Variants in MYO15A observed in about 807,000 individuals in gnomAD.
The protein encoded by MYO15A is myosin XVA.
Under a neutral mutation model 394.6 loss-of-function variants are expected in MYO15A, and 308 were observed. The observed-to-expected ratio is 0.78, with a 90% CI of 0.71 to 0.86. The LOEUF is 0.86. Ranked by LOEUF, MYO15A falls within the 40% of genes least tolerant of loss-of-function variation. The probability of loss-of-function intolerance (pLI) is 0.00; values close to 1 mark genes in which losing one functional copy is unlikely to be tolerated. For synonymous variants in MYO15A, 1,957 were observed against 2,003.8 expected, an observed-to-expected ratio of 0.98 and a Z score of 0.62; for missense variants, 4,606 against 4,799.1, an observed-to-expected ratio of 0.96 and a Z score of 1.19.
Position 18,133,333 on chromosome 17 carries a change from C to T in MYO15A, c.4429C>T (p.Arg1477Cys), listed in dbSNP as rs774077101. The T allele has an allele frequency of 9.3e-6, 15 of 1,614,204 alleles. No individual in the cohort carries two copies. The highest frequency in any genetic ancestry group is 2.2e-5 in the East Asian group (1 of 44,886). The change falls in exon 12 of 66, where the codon CGC becomes TGC. Residue 1477 changes from arginine (R) to cysteine (C), a missense_variant. Transcript: ENST00000647165. ...CAGTGAGGACCAGGACAGCATCTTC[C>T]GCATCCTGGCCTCCATCCTGCACCT... ...FSSEDQDSIF[R>C]ILASILHLGN...
Position 18,122,232 on chromosome 17 carries a change from C to A in MYO15A, c.3432C>A (p.Asp1144Glu), listed in dbSNP as rs770121419. The change falls in exon 2 of 66, where the codon GAC becomes GAA. Residue 1144 changes from aspartate (D) to glutamate (E), a missense_variant. This residue lies in a region of MYO15A where 1,830 missense variants were observed against 1,689.7 expected (regional missense o/e 1.08). Coordinates refer to ENST00000647165, the MANE Select transcript of MYO15A (RefSeq NM_016239.4). The part of the protein sequence containing the change: ...TLKPQVQPIQ[D>E]PKPRACSLRW... ...AGCCTCAAGTCCAGCCCATTCAGGA[C>A]CCCAAGCCAAGAGCCTGTAGTCTTC... is the stretch of plus-strand genomic sequence containing the variant. The A allele has an allele frequency of 1.2e-6, 2 of 1,613,218 alleles. No individual in the cohort carries two copies. Among genetic ancestry groups the A allele is most frequent in the Admixed American group, 3.3e-5 (2 of 60,032 alleles).
At chr17:18,155,495 C>T (rs1054875852) in intron 47 of MYO15A, 63 bp downstream of exon 47, 51 of 1,442,042 alleles carry the variant, frequency 3.5e-5, no homozygotes, top group Non-Finnish European at 4.6e-5. Context: ...ATCGGCATTT[C>T]CTTCCCCTCC....
At position 18,153,019 on chromosome 17, in the gene MYO15A, C is replaced by T. The variant is rs2046609704; in HGVS notation, c.7967-756C>T. Among the ~76,000 whole-genome samples, 1 of 152,226 alleles carries T rather than the reference C, an allele frequency of 6.6e-6. No homozygotes were observed. Among genetic ancestry groups the T allele is most frequent in the South Asian group, 2.1e-4 (1 of 4,834 alleles). ...TTTGTTTCTGAATGATCTGTGCCAC[C>T]CACACCTGCCATGGGCACTAAACTC... On this transcript the variant is annotated intron_variant, in intron 42 of 65. Transcript: ENST00000647165. This position sits in a 1 kb window ranked among gnomAD's most constrained non-coding sequence, Gnocchi z 4.1.
chr17:18,151,303 T>A lies in MYO15A; in HGVS notation c.7654+13T>A, dbSNP rs762398518. The A allele has an allele frequency of 8.7e-6, 14 of 1,614,066 alleles. No homozygotes were observed. The highest frequency in any genetic ancestry group is 1.3e-5 in the African/African-American group (1 of 74,928). On this transcript the variant is annotated intron_variant, in intron 39 of 65. Coordinates refer to ENST00000647165, the MANE Select transcript of MYO15A (RefSeq NM_016239.4). ...TCTCCAGAAACCAGTGAGTGCCCTA[T>A]CCCAGCCTCTGGGGCTTCCCAGGAC...
At position 18,173,732 on chromosome 17, in the gene MYO15A, G is replaced by A. The variant is rs201786499; in HGVS notation, c.10351-49G>A. The A allele has an allele frequency of 4.7e-5, 76 of 1,613,128 alleles. No individual in the cohort carries two copies. In the African/African-American group the frequency reaches 8.4e-4, roughly 18 times the overall value. On this transcript the variant is annotated intron_variant, in intron 64 of 65. Transcript: ENST00000647165. ...GCAGGGCAGGGGTAAGAGTGGTTGA[G>A]ACTATCCTCGCCCACAGGCCTGTCC...
chr17:18,157,654 C>CCTTAGTCACAAGACAAGA, intron 50 of MYO15A, 68 bp from the exon 51 acceptor site: 1 of 1,596,046 alleles, frequency 6.3e-7, no homozygotes, highest in Non-Finnish European at 8.5e-7. Flanking sequence ...CCCAAATCTC[C>CCTTAGTCACAAGACAAGA]CTAAAGGACC....
At chr17:18,136,382 G>C in intron 13 of MYO15A, 35 bp from the exon 14 acceptor site, 1 of 1,613,022 alleles carries the variant, frequency 6.2e-7, no homozygotes. Context: ...AGAGTGGCCA[G>C]CCTGATGTCA....
chr17:18,173,946 T>C, intron 65 of MYO15A, 25 bp downstream of exon 65: 1 of 1,609,702 alleles, frequency 6.2e-7, no homozygotes, highest in Non-Finnish European at 8.5e-7. Context: ...AAGTCCAACA[T>C]TCCACTCACT....
At chr17:18,122,505 G>C (rs2045958094) in intron 2 of MYO15A, 96 bp downstream of exon 2, 1 of 1,488,632 alleles carries the variant, frequency 6.7e-7, no homozygotes, top group African/African-American at 1.4e-5. Context: ...ACCTTGGAGA[G>C]AGGCTGCTTG....
chr17:18,119,623 G>A lies in MYO15A; in HGVS notation c.823G>A (p.Gly275Ser), dbSNP rs183969516. ...GPYSPAWPPY[G>S]DHYYGYPPED... ...CTACAGCCCGGCCTGGCCACCCTAC[G>A]GCGACCACTACTACGGGTACCCGCC... Residue 275 changes from glycine (G) to serine (S), a missense_variant, in exon 2 of 66, where the codon GGC becomes AGC. Transcript: ENST00000647165. The A allele has an allele frequency of 1.9e-6, 3 of 1,603,030 alleles. No individual in the cohort carries two copies. Among genetic ancestry groups the A allele is most frequent in the Non-Finnish European group, 2.5e-6 (3 of 1,179,900 alleles).
At chr17:18,145,219 C>T (rs1156930591) in intron 29 of MYO15A, among the ~76,000 whole-genome samples, 1 of 151,690 alleles carries the variant, frequency 6.6e-6, no homozygotes, top group Non-Finnish European at 1.5e-5. Context: ...GGGTTGTGGT[C>T]ATATCTGAAT....
chr17:18,175,364 C>T (rs571793514), intron 65 of MYO15A, among the ~76,000 whole-genome samples: 1 of 140,174 alleles, frequency 7.1e-6, no homozygotes, highest in East Asian at 2.0e-4. Context: ...GATCTCAGCT[C>T]ACTGCAACCT....
At chr17:18,113,835 C>CACAA (rs1555536608) in intron 1 of MYO15A, among the ~76,000 whole-genome samples, 2,331 of 133,828 alleles carry the variant, frequency 0.017, 51 homozygotes, top group African/African-American at 0.05. Flanking sequence ...CACACACACA[C>CACAA]ACACACTCTT....
rs1273266369 is a variant in MYO15A, at chr17:18,172,246, G to A, written c.10306G>A (p.Ala3436Thr). The change falls in exon 64 of 66, where the codon GCC (alanine) becomes ACC (threonine). Residue 3436 changes from alanine (A) to threonine (T), a missense_variant. Transcript: ENST00000647165. ...TGCTGTGCCAGCCCCTTGCATCCTT[G>A]CCATCAACCACAATGGCCTCAACTT... is the stretch of plus-strand genomic sequence containing the variant. ...NIAVPAPCIL[A>T]INHNGLNFLS... The A allele has an allele frequency of 6.2e-7, 1 of 1,614,028 alleles. No individual in the cohort carries two copies. Among genetic ancestry groups the A allele is most frequent in the Non-Finnish European group, 8.5e-7 (1 of 1,180,040 alleles).
intron 1 of MYO15A, among the ~76,000 whole-genome samples, chr17:18,113,704 T>A (rs2045749359): frequency 1.3e-5 from 2 of 150,556 alleles, no homozygotes; most frequent in Non-Finnish European, 3.0e-5. Context: ...ATCGCATCAC[T>A]GCTCTCCAGC....
chr17:18,170,446 C>T (rs1443450403), intron 62 of MYO15A, among the ~76,000 whole-genome samples: 1 of 151,818 alleles, frequency 6.6e-6, no homozygotes, highest in Non-Finnish European at 1.5e-5. Flanking sequence ...GCAGCCTTGA[C>T]CTCTTGGGCT....
intron 61 of MYO15A, 41 bp from the exon 62 acceptor site, chr17:18,167,549 C>T (rs764367887): frequency 1.7e-5 from 27 of 1,599,390 alleles, no homozygotes; most frequent in South Asian, 4.4e-5. Flanking sequence ...TGCCTGCACG[C>T]GTGCCTGCCT....
At chr17:18,133,445 C>T in intron 12 of MYO15A, 59 bp downstream of exon 12, 1 of 1,595,178 alleles carries the variant, frequency 6.3e-7, no homozygotes, top group South Asian at 1.1e-5. Context: ...GCCGTCTTTT[C>T]CAAGGCCTTC....
Position 18,124,508 on chromosome 17 carries a change from C to G in MYO15A, c.3635C>G (p.Ser1212Cys). 1 of 1,612,906 alleles carries G rather than the reference C, an allele frequency of 6.2e-7. No individual in the cohort carries two copies. Among genetic ancestry groups the G allele is most frequent in the Non-Finnish European group, 8.5e-7 (1 of 1,179,990 alleles). The change falls in exon 3 of 66, where the codon TCC (serine) becomes TGC (cysteine). Residue 1212 changes from serine (S) to cysteine (C), a missense_variant. Ser to Cys is a moderately radical substitution (Grantham distance 112). Transcript: ENST00000647165. ...NKMHSIRNLP[S>C]MRFREQHGED... is the part of the protein sequence containing the mutation. ...ATGCACTCCATCCGCAACCTGCCATCCATGCGGTTCCGTGAGCAGCACGGG... is the reference window on the plus strand; with the variant it reads ...ATGCACTCCATCCGCAACCTGCCATGCATGCGGTTCCGTGAGCAGCACGGG...
Sources: allele counts gnomAD v4.1 joint callset (sites outside exome capture counted in the v4.1 genomes callset), GRCh38; gene constraint gnomAD v4.1.1; regional missense constraint gnomAD v4.1.1; non-coding constraint Gnocchi (gnomAD v3.1); transcripts MANE v1.5; gene names NCBI Gene and HGNC (gene_info 2026-07-23, HGNC 2026-07-21).